The following SPRYD4 variants were observed in gnomAD, a reference collection of about 807,000 sequenced individuals.
The protein encoded by SPRYD4 is SPRY domain-containing protein 4.
In SPRYD4, 12 loss-of-function variants were observed where a neutral mutation model predicts 16.6. The observed-to-expected ratio is 0.72, with a 90% CI of 0.46 to 1.17. The LOEUF is 1.17. Among genes scored for constraint, SPRYD4 ranks in the 50% most tolerant of loss-of-function variants. The pLI, the probability that SPRYD4 is intolerant of heterozygous loss-of-function variation, is 0.00. For missense variants in SPRYD4, 260 were observed against 260.2 expected (o/e 1.00, Z 0.00); for synonymous variants, 98 against 105.4 (o/e 0.93, Z 0.43).
In SPRYD4 at chr12:56,478,007, G is replaced by C; in HGVS notation, c.*8430G>C. The stretch of plus-strand genomic sequence containing the variant: ...GCCCACAAACTTGTGCACGTAGTCA[G>C]TGCCTAGGGTGCTTATGGAGATGGC... On this transcript the variant is annotated 3_prime_UTR_variant, in exon 2 of 2. Coordinates refer to ENST00000338146, the MANE Select transcript of SPRYD4 (RefSeq NM_207344.4). The C allele has an allele frequency of 1.2e-6, 2 of 1,614,240 alleles. No homozygotes were observed. Among genetic ancestry groups the C allele is most frequent in the Non-Finnish European group, 1.7e-6 (2 of 1,180,046 alleles).
chr12:56,475,444 C>G lies in SPRYD4; in HGVS notation c.*5867C>G. 1 of 720,542 alleles carries G rather than the reference C, an allele frequency of 1.4e-6. No individual in the cohort carries two copies. The highest frequency in any genetic ancestry group is 2.3e-6 in the Non-Finnish European group (1 of 443,394). The allele number at this position is 720,542 out of a possible 1,614,324, so 44.6% of individuals were successfully genotyped here. ...CATTATGTACTAATTAGAAATGGAACAAATTATTTTACAAGATAAACAAAT... is the reference window on the plus strand; with the variant it reads ...CATTATGTACTAATTAGAAATGGAAGAAATTATTTTACAAGATAAACAAAT... On this transcript the variant is annotated 3_prime_UTR_variant, in exon 2 of 2. Transcript: ENST00000338146.
chr12:56,479,707 C>T lies in SPRYD4; in HGVS notation c.*10130C>T. On this transcript the variant is annotated 3_prime_UTR_variant, in exon 2 of 2. Coordinates refer to ENST00000338146, the MANE Select transcript of SPRYD4 (RefSeq NM_207344.4). ...AATTGAACTATACAATTCCCAAATT[C>T]CTCCCTGCTCTGAGAGTCTATGTCC... 6.8e-7 allele frequency: 1 copy of T among 1,479,030 alleles called. No homozygotes were observed. The highest frequency in any genetic ancestry group is 1.4e-5 in the South Asian group (1 of 69,692). 91.6% of individuals were successfully genotyped at this position (1,479,030 alleles called of 1,614,324 possible).
chr12:56,469,167 C>CG lies in SPRYD4; in HGVS notation c.217dup (p.Glu73GlyfsTer41), dbSNP rs1223980275. ...GGTGGCCTTGAATGTGGAGCGCTTC[C>CG]GGGAGTGGGCAGTGGTGCTGGCAGA... On this transcript the variant is annotated frameshift_variant, in exon 2 of 2. Transcript: ENST00000338146. LOFTEE classifies it high-confidence loss of function. 1 of 1,614,124 alleles carries CG rather than the reference C, an allele frequency of 6.2e-7. No individual in the cohort carries two copies. The highest frequency in any genetic ancestry group is 8.5e-7 in the Non-Finnish European group (1 of 1,180,020).
In SPRYD4 at chr12:56,474,774, TC is replaced by T; in HGVS notation, c.*5198del. ...TGACGTGAACCTGCACATGGGACCCTCGGGTGTAGGGAAAGGGCAAGGGCAA... is the reference window on the plus strand; with the variant it reads ...TGACGTGAACCTGCACATGGGACCCTGGGTGTAGGGAAAGGGCAAGGGCAA... On this transcript the variant is annotated 3_prime_UTR_variant, in exon 2 of 2. Coordinates refer to ENST00000338146, the MANE Select transcript of SPRYD4 (RefSeq NM_207344.4). The T allele has an allele frequency of 6.2e-7, 1 of 1,612,510 alleles. No homozygotes were observed. The highest frequency in any genetic ancestry group is 1.1e-5 in the South Asian group (1 of 90,958).
At chr12:56,468,931 C>A in intron 1 of SPRYD4, 108 bp from the exon 2 acceptor site, 1 of 1,387,880 alleles carries the variant, frequency 7.2e-7, no homozygotes. Context: ...CATTCTGACT[C>A]TTCCCTAGTT....
In SPRYD4 at chr12:56,476,110, C is replaced by T. The variant is rs1262439787; in HGVS notation, c.*6533C>T. 9.1e-6 allele frequency: 7 copies of T among 766,230 alleles called. No homozygotes were observed. The highest frequency in any genetic ancestry group is 4.8e-5 in the South Asian group (3 of 62,774). The allele number at this position is 766,230 out of a possible 1,614,324, so 47.5% of individuals were successfully genotyped here. ...AAATGTGTTCAATTTTATAATGGCC[C>T]TTTTTTTATCCTTCTGAAAACACCG... On this transcript the variant is annotated 3_prime_UTR_variant, in exon 2 of 2. Coordinates refer to ENST00000338146, the MANE Select transcript of SPRYD4 (RefSeq NM_207344.4).
Position 56,473,666 on chromosome 12 carries a change from A to G in SPRYD4, c.*4089A>G. ...TCAGAAAATAAACAAGTTAGGCTGT[A>G]CTCTTAACAAGTTTACAAATGACTG... On this transcript the variant is annotated 3_prime_UTR_variant, in exon 2 of 2. Coordinates refer to ENST00000338146, the MANE Select transcript of SPRYD4 (RefSeq NM_207344.4). 3 of 1,522,248 alleles carry G rather than the reference A, an allele frequency of 2.0e-6. No homozygotes were observed. The highest frequency in any genetic ancestry group is 2.6e-6 in the Non-Finnish European group (3 of 1,133,412). The allele number at this position is 1,522,248 out of a possible 1,614,324, so 94.3% of individuals were successfully genotyped here.
chr12:56,479,278 C>A lies in SPRYD4; in HGVS notation c.*9701C>A. The A allele has an allele frequency of 1.3e-6, 2 of 1,488,176 alleles. No individual in the cohort carries two copies. The highest frequency in any genetic ancestry group is 2.6e-5 in the South Asian group (2 of 76,708). 92.2% of individuals were successfully genotyped at this position (1,488,176 alleles called of 1,614,324 possible). On this transcript the variant is annotated 3_prime_UTR_variant, in exon 2 of 2. Transcript: ENST00000338146. ...TTGGGAATAAAGAAGGTTGAGTGGTCTTCAGGTTTGGGATCAACAGCTCTG... is the reference window on the plus strand; with the variant it reads ...TTGGGAATAAAGAAGGTTGAGTGGTATTCAGGTTTGGGATCAACAGCTCTG...
In SPRYD4 at chr12:56,478,917, G is replaced by A; in HGVS notation, c.*9340G>A. The A allele has an allele frequency of 1.9e-6, 2 of 1,078,596 alleles. No homozygotes were observed. The highest frequency in any genetic ancestry group is 1.3e-6 in the Non-Finnish European group (1 of 758,284). The allele number at this position is 1,078,596 out of a possible 1,614,324, so 66.8% of individuals were successfully genotyped here. A position where few individuals can be genotyped will look rare whatever the true frequency, so the allele number is the denominator to read the frequency against. On this transcript the variant is annotated 3_prime_UTR_variant, in exon 2 of 2. Coordinates refer to ENST00000338146, the MANE Select transcript of SPRYD4 (RefSeq NM_207344.4). ...GAGAATCGCTTGAACCTGGGAGGTG[G>A]AGGTTGCAGTGAGCTGAGATTGCAC...
In SPRYD4 at chr12:56,478,160, C is replaced by A. The variant is rs769367225; in HGVS notation, c.*8583C>A. ...GTTCGGCACCTGTGCCCTGCCTCCC[C>A]TTCCTCTTGCCCAGCATCTCACCGT... On this transcript the variant is annotated 3_prime_UTR_variant, in exon 2 of 2. Coordinates refer to ENST00000338146, the MANE Select transcript of SPRYD4 (RefSeq NM_207344.4). 1.9e-6 allele frequency: 3 copies of A among 1,614,196 alleles called. No homozygotes were observed. Among genetic ancestry groups the A allele is most frequent in the Non-Finnish European group, 2.5e-6 (3 of 1,180,030 alleles).
Position 56,472,213 on chromosome 12 carries a change from G to A in SPRYD4, c.*2636G>A. The A allele has an allele frequency of 6.2e-7, 1 of 1,612,420 alleles. No homozygotes were observed. Among genetic ancestry groups the A allele is most frequent in the Admixed American group, 1.7e-5 (1 of 60,000 alleles). Reference sequence around the variant, plus strand: ...AGGCAAACCTGAGGGTAGTGGGAAAGCAGCTAGAGTTGCCTAGATCAGACT... The same window carrying A: ...AGGCAAACCTGAGGGTAGTGGGAAAACAGCTAGAGTTGCCTAGATCAGACT... On this transcript the variant is annotated 3_prime_UTR_variant, in exon 2 of 2. Transcript: ENST00000338146.
At chr12:56,468,712 A>G (rs1481926627) in intron 1 of SPRYD4, 36 bp downstream of exon 1, 3 of 1,594,300 alleles carry the variant, frequency 1.9e-6, no homozygotes, top group Admixed American at 1.7e-5. Context: ...TACCTCCAGA[A>G]TGGCTGCCGT....
Position 56,475,039 on chromosome 12 carries a change from G to T in SPRYD4, c.*5462G>T, listed in dbSNP as rs1241878868. ...GGACTTTCTCTTCCGGCCTCTTCTG[G>T]TTACCTTCTTTTCCTTGAGATAATA... On this transcript the variant is annotated 3_prime_UTR_variant, in exon 2 of 2. Coordinates refer to ENST00000338146, the MANE Select transcript of SPRYD4 (RefSeq NM_207344.4). 1 of 1,614,030 alleles carries T rather than the reference G, an allele frequency of 6.2e-7. No homozygotes were observed. The highest frequency in any genetic ancestry group is 8.5e-7 in the Non-Finnish European group (1 of 1,180,034).
Position 56,478,138 on chromosome 12 carries a change from C to T in SPRYD4, c.*8561C>T, listed in dbSNP as rs368933294. On this transcript the variant is annotated 3_prime_UTR_variant, in exon 2 of 2. Coordinates refer to ENST00000338146, the MANE Select transcript of SPRYD4 (RefSeq NM_207344.4). ...GCCATGAAAGGGGTTGGCCTGTGTT[C>T]GGCACCTGTGCCCTGCCTCCCCTTC... 3.5e-5 allele frequency: 56 copies of T among 1,613,606 alleles called. 1 individual carries two copies. The Admixed American group carries it at 5.7e-4, about 16-fold the overall frequency.
In SPRYD4 at chr12:56,478,048, C is replaced by T; in HGVS notation, c.*8471C>T. 3 of 1,614,220 alleles carry T rather than the reference C, an allele frequency of 1.9e-6. No individual in the cohort carries two copies. The highest frequency in any genetic ancestry group is 2.5e-6 in the Non-Finnish European group (3 of 1,180,028). On this transcript the variant is annotated 3_prime_UTR_variant, in exon 2 of 2. Transcript: ENST00000338146. ...TGGAGATGGCATAGGTGAGGGGCTTCACACAGGACTGCAGGCAGAAGGGGA... is the reference window on the plus strand; with the variant it reads ...TGGAGATGGCATAGGTGAGGGGCTTTACACAGGACTGCAGGCAGAAGGGGA...
rs185926014 is a variant in SPRYD4 at position 56,474,405 on chromosome 12, G to C, written c.*4828G>C. On this transcript the variant is annotated 3_prime_UTR_variant, in exon 2 of 2. Coordinates refer to ENST00000338146, the MANE Select transcript of SPRYD4 (RefSeq NM_207344.4). ...GGTGTTTTTGAGAAACTCGTCTAAG[G>C]AGTCTCAACCTAATTGCCTTCCTGG... 1 of 983,168 alleles carries C rather than the reference G, an allele frequency of 1.0e-6. No individual in the cohort carries two copies. Among genetic ancestry groups the C allele is most frequent in the Non-Finnish European group, 1.5e-6 (1 of 670,502 alleles). The allele number at this position is 983,168 out of a possible 1,614,324, so 60.9% of individuals were successfully genotyped here.
Position 56,478,484 on chromosome 12 carries a change from A to G in SPRYD4, c.*8907A>G, listed in dbSNP as rs1028853802. 9.3e-6 allele frequency: 5 copies of G among 537,836 alleles called. No individual in the cohort carries two copies. Among genetic ancestry groups the G allele is most frequent in the Middle Eastern group, 4.9e-4 (1 of 2,050 alleles). 33.3% of individuals were successfully genotyped at this position (537,836 alleles called of 1,614,324 possible). On this transcript the variant is annotated 3_prime_UTR_variant, in exon 2 of 2. Transcript: ENST00000338146. ...TCCTGTAGAGATAGCAGTAAAGCCA[A>G]TGGAAGTTAAAAAAGGAGAATTCTG...
Position 56,477,580 on chromosome 12 carries a change from A to C in SPRYD4, c.*8003A>C. 1 of 1,409,610 alleles carries C rather than the reference A, an allele frequency of 7.1e-7. No individual in the cohort carries two copies. The highest frequency in any genetic ancestry group is 9.8e-7 in the Non-Finnish European group (1 of 1,017,642). 87.3% of individuals were successfully genotyped at this position (1,409,610 alleles called of 1,614,324 possible). A position where few individuals can be genotyped will look rare whatever the true frequency, so the allele number is the denominator to read the frequency against. ...ATCAGAGCCCCACCAGTCTCCCTGG[A>C]GAGCTGAACAAATATGAGGGATACA... On this transcript the variant is annotated 3_prime_UTR_variant, in exon 2 of 2. Transcript: ENST00000338146.
In SPRYD4 at chr12:56,472,145, G is replaced by A; in HGVS notation, c.*2568G>A. On this transcript the variant is annotated 3_prime_UTR_variant, in exon 2 of 2. Coordinates refer to ENST00000338146, the MANE Select transcript of SPRYD4 (RefSeq NM_207344.4). ...TTCAGCTGCAGCAACATGCAGAGCT[G>A]TGCGCGAGTCATAGTCTTTCTGTTC... The A allele has an allele frequency of 6.2e-7, 1 of 1,614,182 alleles. No homozygotes were observed. The highest frequency in any genetic ancestry group is 1.1e-5 in the South Asian group (1 of 91,082).
Sources: gnomAD v4.1 joint callset for allele counts on GRCh38, gnomAD v4.1.1 for gene constraint, MANE v1.5 for transcripts, NCBI Gene and HGNC (gene_info 2026-07-23, HGNC 2026-07-21) for gene names.